The following PRKAR2A variants were observed in gnomAD, a reference collection of about 807,000 sequenced individuals.
The protein encoded by PRKAR2A is protein kinase cAMP-dependent type II regulatory subunit alpha.
A neutral mutation model predicts 51.9 loss-of-function variants in PRKAR2A; 29 were observed. The observed-to-expected ratio is 0.56, with a 90% confidence interval of 0.42 to 0.76. PRKAR2A has a LOEUF of 0.76. PRKAR2A is among the 30% of genes least tolerant of loss of function. PRKAR2A has a pLI of 0.00. For missense variants in PRKAR2A, 445 were observed against 512.1 expected, an observed-to-expected ratio of 0.87 and a Z score of 1.26; for synonymous variants, 178 against 186.2, an observed-to-expected ratio of 0.96 and a Z score of 0.36.
intron 2 of PRKAR2A, among the ~76,000 whole-genome samples, chr3:48,794,883 G>A (rs926602066): frequency 5.9e-5 from 9 of 152,072 alleles, no homozygotes; most frequent in Non-Finnish European, 1.2e-4. Context: ...AACAATTTGG[G>A]AAGAATAAAC....
intron 1 of PRKAR2A, among the ~76,000 whole-genome samples, chr3:48,845,290 T>C (rs2083444620): frequency 6.6e-6 from 1 of 152,176 alleles, no homozygotes; most frequent in Admixed American, 6.6e-5. Context: ...CATGATGTAA[T>C]GTGCAATAAA....
At chr3:48,808,346 C>T (rs529479371) in intron 1 of PRKAR2A, among the ~76,000 whole-genome samples, 44 of 152,354 alleles carry the variant, frequency 2.9e-4, no homozygotes, top group African/African-American at 9.1e-4. Context: ...CTCCGCCTCC[C>T]GGCTTCATGC....
chr3:48,807,761 C>G, intron 1 of PRKAR2A, 77 bp from the exon 2 acceptor site: 1 of 1,265,046 alleles, frequency 7.9e-7, no homozygotes, highest in Non-Finnish European at 1.2e-6. Flanking sequence ...TTGCAAAAGT[C>G]TTTTACAATA....
Position 48,804,026 on chromosome 3 carries a change from T to C in PRKAR2A, c.298+3623A>G, listed in dbSNP as rs529708347. 1.2e-4 allele frequency among the ~76,000 whole-genome samples: 18 copies of C among 152,220 alleles called. No homozygotes were observed. In the South Asian group the frequency reaches 3.1e-3, roughly 26 times the overall value. On this transcript the variant is annotated intron_variant, in intron 2 of 10. Coordinates refer to ENST00000265563, the MANE Select transcript of PRKAR2A (RefSeq NM_004157.4). ...ATGATTGCTGGTATCAAGAGCCTAC[T>C]AGAAGTTAATAATCATGAACTGAAA...
In PRKAR2A at chr3:48,847,753, C is replaced by T. The variant is rs1036288592; in HGVS notation, c.-157G>A. ...CTTTGGCCGGCTCTGCGTTTCCGGG[C>T]CGCGCAACCCTACGCTACCACGGCC... On this transcript the variant is annotated 5_prime_UTR_variant, in exon 1 of 11. Transcript: ENST00000265563. This position sits in a 1 kb window ranked among gnomAD's most constrained non-coding sequence, Gnocchi z 4.4. 2.6e-6 allele frequency: 2 copies of T among 763,370 alleles called. No individual in the cohort carries two copies. The highest frequency in any genetic ancestry group is 1.9e-6 in the Non-Finnish European group (1 of 536,010). The allele number at this position is 763,370 out of a possible 1,614,324, so 47.3% of individuals were successfully genotyped here.
At position 48,751,466 on chromosome 3, in the gene PRKAR2A, A is replaced by G; in HGVS notation, c.*119T>C. The G allele has an allele frequency of 7.0e-7, 1 of 1,419,692 alleles. No homozygotes were observed. The allele number at this position is 1,419,692 out of a possible 1,614,324, so 87.9% of individuals were successfully genotyped here. On this transcript the variant is annotated 3_prime_UTR_variant, in exon 11 of 11. Coordinates refer to ENST00000265563, the MANE Select transcript of PRKAR2A (RefSeq NM_004157.4). ...TTTTCTAAATGCCCATAACCACAGC[A>G]ATGGCAGCAGTGGCGGCAACGGCAG...
At chr3:48,788,402 G>C (rs2082329878) in intron 4 of PRKAR2A, among the ~76,000 whole-genome samples, 1 of 152,118 alleles carries the variant, frequency 6.6e-6, no homozygotes. Context: ...GACCTCAAAT[G>C]ATCTGCCTGC....
rs1232134625 is a variant in PRKAR2A, at chr3:48,748,541, G to C, written c.*3044C>G. ...GAAGGCAAAGACTAGACTGGGATGTGTGCGAGAGTGGGATAAGAAGGCCCA... is the reference window on the plus strand; with the variant it reads ...GAAGGCAAAGACTAGACTGGGATGTCTGCGAGAGTGGGATAAGAAGGCCCA... On this transcript the variant is annotated 3_prime_UTR_variant, in exon 11 of 11. Transcript: ENST00000265563. 1 of 152,294 alleles carries C rather than the reference G, an allele frequency of 6.6e-6. No homozygotes were observed. Among genetic ancestry groups the C allele is most frequent in the African/African-American group, 2.4e-5 (1 of 41,442 alleles). 9.4% of individuals were successfully genotyped at this position (152,294 alleles called of 1,614,324 possible).
intron 6 of PRKAR2A, among the ~76,000 whole-genome samples, chr3:48,765,620 T>A (rs959748322): frequency 6.6e-6 from 1 of 150,660 alleles, no homozygotes; most frequent in Non-Finnish European, 1.5e-5. Flanking sequence ...CACCTAAACA[T>A]TTATGAGCTC....
chr3:48,754,690 C>T (rs2081729832), intron 9 of PRKAR2A, among the ~76,000 whole-genome samples: 1 of 151,732 alleles, frequency 6.6e-6, no homozygotes, highest in Admixed American at 6.6e-5. Context: ...AGGAGAATCG[C>T]TTGAACCCAG....
intron 6 of PRKAR2A, among the ~76,000 whole-genome samples, chr3:48,771,091 T>C (rs575437835): frequency 1.3e-5 from 2 of 151,998 alleles, no homozygotes; most frequent in Admixed American, 1.3e-4. Context: ...CTGGGCGTGG[T>C]GGCACATGTG....
At chr3:48,756,339 T>C (rs1417106383) in intron 9 of PRKAR2A, 40 bp downstream of exon 9, 1 of 1,530,458 alleles carries the variant, frequency 6.5e-7, no homozygotes, top group Non-Finnish European at 9.0e-7. Context: ...AATAGTTACT[T>C]TTTGTGTGTA....
chr3:48,798,560 C>T (rs899495000), intron 2 of PRKAR2A, among the ~76,000 whole-genome samples: 2 of 151,568 alleles, frequency 1.3e-5, no homozygotes, highest in Non-Finnish European at 2.9e-5. Flanking sequence ...AAAACAACTA[C>T]TTAGAATAAT....
chr3:48,824,643 T>C (rs2083029654), intron 1 of PRKAR2A, among the ~76,000 whole-genome samples: 1 of 151,684 alleles, frequency 6.6e-6, no homozygotes, highest in African/African-American at 2.4e-5. Context: ...AAAATAAAAG[T>C]TGAATAAGAA....
chr3:48,835,895 T>C (rs1338874401), intron 1 of PRKAR2A, among the ~76,000 whole-genome samples: 2 of 152,050 alleles, frequency 1.3e-5, no homozygotes, highest in Non-Finnish European at 2.9e-5. Flanking sequence ...TTATCTATAG[T>C]AATCAAGACA....
At position 48,807,644 on chromosome 3, in the gene PRKAR2A, C is replaced by T; in HGVS notation, c.298+5G>A. On this transcript the variant is annotated splice_donor_5th_base_variant and intron_variant, in intron 2 of 10. Coordinates refer to ENST00000265563, the MANE Select transcript of PRKAR2A (RefSeq NM_004157.4). Reference sequence around the variant, plus strand: ...TAGAAGTATGTTATGAAATAGAACACATACCTGATACTCGTCTATTAAATC... The same window carrying T: ...TAGAAGTATGTTATGAAATAGAACATATACCTGATACTCGTCTATTAAATC... 1 of 1,583,816 alleles carries T rather than the reference C, an allele frequency of 6.3e-7. No individual in the cohort carries two copies. The highest frequency in any genetic ancestry group is 8.7e-7 in the Non-Finnish European group (1 of 1,153,986).
chr3:48,828,155 C>T lies in PRKAR2A; in HGVS notation c.262+19180G>A, dbSNP rs201071288. Among the ~76,000 whole-genome samples the T allele has an allele frequency of 6.6e-5, 10 of 152,158 alleles. No individual in the cohort carries two copies. In the East Asian group the frequency reaches 1.3e-3, roughly 20 times the overall value. Reference sequence around the variant, plus strand: ...TGCTGGGATTACAGGCGTGAGCCAACGCACATGGCCCAACTTTAAACTTTT... The same window carrying T: ...TGCTGGGATTACAGGCGTGAGCCAATGCACATGGCCCAACTTTAAACTTTT... On this transcript the variant is annotated intron_variant, in intron 1 of 10. Coordinates refer to ENST00000265563, the MANE Select transcript of PRKAR2A (RefSeq NM_004157.4).
chr3:48,806,777 C>G (rs1242567142), intron 2 of PRKAR2A, among the ~76,000 whole-genome samples: 2 of 145,888 alleles, frequency 1.4e-5, no homozygotes, highest in Non-Finnish European at 3.0e-5. Flanking sequence ...GGAAAGCATT[C>G]TTTTTTTTTT....
At chr3:48,755,934 A>T (rs1418690582) in intron 9 of PRKAR2A, among the ~76,000 whole-genome samples, 1 of 151,936 alleles carries the variant, frequency 6.6e-6, no homozygotes. Flanking sequence ...GCCCGCCACC[A>T]TGCCTGGCTA....
Sources: gnomAD v4.1 joint callset for allele counts (sites outside exome capture counted in the v4.1 genomes callset) on GRCh38, gnomAD v4.1.1 for gene constraint, Gnocchi (gnomAD v3.1) non-coding constraint, MANE v1.5 for transcripts, NCBI Gene and HGNC (gene_info 2026-07-23, HGNC 2026-07-21) for gene names.